The following COL11A1 variants were observed in gnomAD, a reference collection of about 807,000 sequenced individuals.
COL11A1 encodes collagen alpha-1(XI) chain.
In COL11A1, 74 loss-of-function variants were observed where a neutral mutation model predicts 265.2. The observed-to-expected ratio is 0.28, with a 90% CI of 0.23 to 0.34. The LOEUF (loss-of-function observed/expected upper bound fraction) is 0.34. Among genes scored for constraint, COL11A1 ranks in the 10% least tolerant of loss-of-function variants. COL11A1 has a pLI of 1.00. For missense variants in COL11A1, 2,165 were observed against 2,263.6 expected (o/e 0.96, Z 0.88); for synonymous variants, 816 against 727.6 (o/e 1.12, Z -1.96).
chr1:102,938,931 A>C, intron 44 of COL11A1, 104 bp downstream of exon 44: 1 of 921,514 alleles, frequency 1.1e-6, no homozygotes, highest in Non-Finnish European at 1.8e-6. Context: ...TGGTATTATA[A>C]GTATTGGCTA....
intron 35 of COL11A1, among the ~76,000 whole-genome samples, chr1:102,977,063 C>T (rs1433820241): frequency 6.6e-6 from 1 of 151,950 alleles, no homozygotes; most frequent in African/African-American, 2.4e-5. Context: ...TGAGAGAGTC[C>T]TTTGAAATGG....
At chr1:102,967,383 G>A (rs984019323) in intron 37 of COL11A1, among the ~76,000 whole-genome samples, 2 of 151,198 alleles carry the variant, frequency 1.3e-5, no homozygotes, top group African/African-American at 4.9e-5. Context: ...TGGGACTACA[G>A]GCACCCGCCA....
chr1:102,988,784 A>C (rs780913504), intron 29 of COL11A1, among the ~76,000 whole-genome samples: 2 of 152,164 alleles, frequency 1.3e-5, no homozygotes, highest in Non-Finnish European at 2.9e-5. Context: ...CAGCTTTGGA[A>C]ATTACTGTTT....
intron 63 of COL11A1, among the ~76,000 whole-genome samples, chr1:102,885,209 C>G (rs1399638383): frequency 6.6e-6 from 1 of 152,028 alleles, no homozygotes; most frequent in Non-Finnish European, 1.5e-5. Context: ...TCTGAAGGCG[C>G]CTATGTTATG....
At chr1:102,994,937 A>T (rs1664481306) in intron 28 of COL11A1, among the ~76,000 whole-genome samples, 1 of 152,092 alleles carries the variant, frequency 6.6e-6, no homozygotes, top group Non-Finnish European at 1.5e-5. Flanking sequence ...TACAAGGTGG[A>T]GGAGAAAAAG....
At chr1:102,937,983 C>T (rs190475700) in intron 44 of COL11A1, among the ~76,000 whole-genome samples, 8 of 152,256 alleles carry the variant, frequency 5.3e-5, no homozygotes, top group Non-Finnish European at 8.8e-5. Context: ...TCAGTGCTAT[C>T]ACCTGTTTGT....
chr1:103,104,129 A>C lies in COL11A1; in HGVS notation c.106+3944T>G, dbSNP rs186564482. 2.9e-3 allele frequency among the ~76,000 whole-genome samples: 448 copies of C among 152,180 alleles called. 3 individuals are homozygous for C. Among genetic ancestry groups the C allele is most frequent in the Admixed American group, 5.2e-3 (80 of 15,274 alleles). On this transcript the variant is annotated intron_variant, in intron 1 of 66. Transcript: ENST00000370096. Reference sequence around the variant, plus strand: ...GCTAGCATTCTCTTTTAAAAATCTTATATAAACACCTTTTTTTAACCTTTT... The same window carrying C: ...GCTAGCATTCTCTTTTAAAAATCTTCTATAAACACCTTTTTTTAACCTTTT...
intron 37 of COL11A1, among the ~76,000 whole-genome samples, chr1:102,967,532 G>A (rs1025922300): frequency 6.6e-6 from 1 of 152,092 alleles, no homozygotes; most frequent in African/African-American, 2.4e-5. Context: ...GAGCCACCAC[G>A]CCCAGCCAAT....
chr1:103,022,217 A>C (rs1667153173), intron 8 of COL11A1, among the ~76,000 whole-genome samples: 1 of 151,976 alleles, frequency 6.6e-6, no homozygotes, highest in Non-Finnish European at 1.5e-5. Context: ...ACCTATTAAA[A>C]TATATTTTTA....
intron 54 of COL11A1, among the ~76,000 whole-genome samples, chr1:102,905,420 G>A (rs1046113151): frequency 7.2e-6 from 1 of 139,238 alleles, no homozygotes; most frequent in Non-Finnish European, 1.6e-5. Flanking sequence ...GAGAAAGGAA[G>A]GAAGGAAGAA....
intron 37 of COL11A1, among the ~76,000 whole-genome samples, chr1:102,965,839 A>G (rs554305881): frequency 6.6e-6 from 1 of 152,290 alleles, no homozygotes; most frequent in South Asian, 2.1e-4. Context: ...CAGAATTTTA[A>G]CCCAGTAATG....
chr1:103,065,615 G>C (rs993361099), intron 4 of COL11A1, among the ~76,000 whole-genome samples: 1 of 149,156 alleles, frequency 6.7e-6, no homozygotes, highest in African/African-American at 2.5e-5. Flanking sequence ...TGCCAACCCT[G>C]AGATAGGGTG....
chr1:102,991,911 T>C (rs1373916576), intron 28 of COL11A1, among the ~76,000 whole-genome samples: 5 of 151,784 alleles, frequency 3.3e-5, no homozygotes, highest in Admixed American at 6.6e-5. Context: ...CTGAATGTGA[T>C]TGGGCAATGG....
intron 7 of COL11A1, among the ~76,000 whole-genome samples, chr1:103,024,806 A>T (rs1281803263): frequency 6.6e-6 from 1 of 152,142 alleles, no homozygotes; most frequent in East Asian, 1.9e-4. Context: ...CTTAAAACTA[A>T]ATTACATTTC....
At chr1:102,882,136 C>A (rs1402399492) in intron 64 of COL11A1, among the ~76,000 whole-genome samples, 1 of 151,242 alleles carries the variant, frequency 6.6e-6, no homozygotes, top group Admixed American at 6.7e-5. Context: ...AAGGCAGGTA[C>A]CATCTTCACT....
At chr1:102,958,902 C>T (rs1450403778) in intron 41 of COL11A1, among the ~76,000 whole-genome samples, 1 of 152,148 alleles carries the variant, frequency 6.6e-6, no homozygotes, top group Non-Finnish European at 1.5e-5. Context: ...GAAGGCGTCA[C>T]CAAACTGTCA....
intron 46 of COL11A1, among the ~76,000 whole-genome samples, chr1:102,929,890 T>C (rs1180578293): frequency 6.6e-6 from 1 of 152,216 alleles, no homozygotes; most frequent in Non-Finnish European, 1.5e-5. Context: ...TGGCTCTCTG[T>C]TTGTCTGTTG....
At chr1:102,940,295 A>G (rs1189033276) in intron 43 of COL11A1, 32 bp downstream of exon 43, 5 of 1,537,666 alleles carry the variant, frequency 3.3e-6, no homozygotes, top group Non-Finnish European at 4.5e-6. Flanking sequence ...GCTTTTTCAC[A>G]GGATCTACTA....
At position 103,003,288 on chromosome 1, in the gene COL11A1, C is replaced by T. The variant is rs1488828740; in HGVS notation, c.1945-20G>A. The T allele has an allele frequency of 2.5e-6, 4 of 1,608,746 alleles. No homozygotes were observed. Among genetic ancestry groups the T allele is most frequent in the South Asian group, 1.1e-5 (1 of 90,390 alleles). On this transcript the variant is annotated intron_variant, in intron 20 of 66. Transcript: ENST00000370096. The stretch of plus-strand genomic sequence containing the variant: ...TGGGCCCTAGGAGAAAAAGAAAAAG[C>T]ACGCCTTTATTAAAAAAAAAAAATG...
Sources: gnomAD v4.1 joint callset for allele counts (sites outside exome capture counted in the v4.1 genomes callset) on GRCh38, gnomAD v4.1.1 for gene constraint, MANE v1.5 for transcripts, NCBI Gene and HGNC (gene_info 2026-07-23, HGNC 2026-07-21) for gene names.